The following IKZF2 variants were observed in gnomAD, a reference collection of about 807,000 sequenced individuals.
IKZF2 encodes the protein IKAROS family zinc finger 2.
Under a neutral mutation model 49.2 loss-of-function variants are expected in IKZF2, and 15 were observed. That is an observed-to-expected ratio of 0.30 (90% CI 0.20 to 0.47). The LOEUF (loss-of-function observed/expected upper bound fraction) is 0.47, where lower values mean the gene tolerates loss of function less well. Among genes scored for constraint, IKZF2 ranks in the 20% least tolerant of loss-of-function variants. IKZF2 has a pLI of 1.00. For synonymous variants in IKZF2, 227 were observed against 221.4 expected, an observed-to-expected ratio of 1.03 and a Z score of -0.23; for missense variants, 567 against 664.6, an observed-to-expected ratio of 0.85 and a Z score of 1.61.
Position 213,056,969 on chromosome 2 carries a change from C to T in IKZF2, c.270G>A (p.Val90=), listed in dbSNP as rs1480206985. Residue 90 remains valine, a synonymous_variant, in exon 5 of 9, where the codon GTG becomes GTA. Transcript: ENST00000434687. ...LEEPLIESSE[V]ADNRKVQELQ... Reference sequence around the variant, plus strand: ...GCTCCTGGACTTTCCTGTTGTCAGCCACCTCGCTGCTCTCAATTAGGGGTT... The same window carrying T: ...GCTCCTGGACTTTCCTGTTGTCAGCTACCTCGCTGCTCTCAATTAGGGGTT... 5 of 1,613,870 alleles carry T rather than the reference C, an allele frequency of 3.1e-6. No homozygotes were observed. The highest frequency in any genetic ancestry group is 4.2e-6 in the Non-Finnish European group (5 of 1,179,886).
At chr2:213,106,321 A>C (rs1177458007) in intron 4 of IKZF2, among the ~76,000 whole-genome samples, 1 of 152,098 alleles carries the variant, frequency 6.6e-6, no homozygotes, top group Non-Finnish European at 1.5e-5. Flanking sequence ...TTTTAAAGGA[A>C]GAGTTGGTCT....
chr2:213,133,634 G>C (rs1273649196), intron 4 of IKZF2, among the ~76,000 whole-genome samples: 1 of 151,722 alleles, frequency 6.6e-6, no homozygotes, highest in Admixed American at 6.6e-5. Context: ...GGGAGGCGAA[G>C]GTTGCAGTGG....
intron 4 of IKZF2, among the ~76,000 whole-genome samples, chr2:213,128,658 C>G (rs567390071): frequency 1.6e-4 from 25 of 152,118 alleles, no homozygotes; most frequent in African/African-American, 5.5e-4. Context: ...CAGAGTCTCA[C>G]TTTCTGTCGC....
At position 213,133,700 on chromosome 2, in the gene IKZF2, G is replaced by GAAAA. The variant is rs1339326768; in HGVS notation, c.139+14004_139+14007dup. 5.6e-5 allele frequency among the ~76,000 whole-genome samples: 4 copies of GAAAA among 71,082 alleles called. No homozygotes were observed. The East Asian group carries it at 1.6e-3, about 29-fold the overall frequency. The allele number at this position is 71,082 out of a possible 152,430, so 46.6% of individuals were successfully genotyped here. A position where few individuals can be genotyped will look rare whatever the true frequency, so the allele number is the denominator to read the frequency against. ...GGGCGACAAAGATAGACTCCGTCTC[G>GAAAA]AAAAAATAAATAAATAAATAAATAA... On this transcript the variant is annotated intron_variant, in intron 4 of 8. Transcript: ENST00000434687.
At chr2:213,119,803 C>T (rs2059992011) in intron 4 of IKZF2, among the ~76,000 whole-genome samples, 1 of 152,118 alleles carries the variant, frequency 6.6e-6, no homozygotes, top group Admixed American at 6.6e-5. Context: ...CATGTGATAT[C>T]AGATTAAAAT....
chr2:213,041,435 T>C (rs1196371402), intron 6 of IKZF2, among the ~76,000 whole-genome samples: 2 of 151,988 alleles, frequency 1.3e-5, no homozygotes, highest in African/African-American at 4.8e-5. Flanking sequence ...CCCGAGTAGC[T>C]GGGACTACAG....
Position 213,007,585 on chromosome 2 carries a change from G to T in IKZF2, c.1356C>A (p.Gly452=). The T allele has an allele frequency of 1.2e-6, 2 of 1,613,678 alleles. No homozygotes were observed. The highest frequency in any genetic ancestry group is 1.7e-6 in the Non-Finnish European group (2 of 1,179,720). Residue 452 remains glycine, a synonymous_variant, in exon 9 of 9, where the codon GGC becomes GGA. Coordinates refer to ENST00000434687, the MANE Select transcript of IKZF2 (RefSeq NM_001387220.1). ...KALDTTKAPK[G]SLKDIYKVFN... is the part of the protein sequence containing the mutation. ...AGACCTTGTAGATGTCCTTCAGAGA[G>T]CCCTTAGGAGCCTTGGTAGTATCCA...
intron 5 of IKZF2, chr2:213,056,519 T>C: frequency 4.5e-6 from 2 of 444,488 alleles, no homozygotes; most frequent in Non-Finnish European, 8.3e-6. Flanking sequence ...GTAAAATATG[T>C]ATAGAAATAC....
rs923714463 is a variant in IKZF2, at chr2:213,006,303, T to C, written c.*1057A>G. 1 of 152,362 alleles carries C rather than the reference T, an allele frequency of 6.6e-6. No homozygotes were observed. Among genetic ancestry groups the C allele is most frequent in the Admixed American group, 6.6e-5 (1 of 15,220 alleles). 9.4% of individuals were successfully genotyped at this position (152,362 alleles called of 1,614,324 possible). ...CGGGAGGTCACATCTTGAAAAAAAC[T>C]AGTGAAAAGAGAAATACCAGAAAAG... On this transcript the variant is annotated 3_prime_UTR_variant, in exon 9 of 9. Transcript: ENST00000434687.
chr2:213,106,523 T>G (rs2059533995), intron 4 of IKZF2, among the ~76,000 whole-genome samples: 1 of 151,674 alleles, frequency 6.6e-6, no homozygotes, highest in African/African-American at 2.4e-5. Flanking sequence ...TAGCCCCAGC[T>G]AGTCCAGAGG....
At chr2:213,151,021 A>G (rs3768788) in intron 1 of IKZF2, among the ~76,000 whole-genome samples, 48,770 of 151,576 alleles carry the variant, frequency 0.32, 8,916 homozygotes, top group East Asian at 0.46. Context: ...ACAAAGCAAA[A>G]CAAGTCCAAA....
intron 4 of IKZF2, among the ~76,000 whole-genome samples, chr2:213,063,868 T>TA (rs1161087592): frequency 6.6e-6 from 1 of 152,032 alleles, no homozygotes; most frequent in East Asian, 1.9e-4. Flanking sequence ...AAACAGTTCT[T>TA]ACGGTAGCTG....
At chr2:213,067,604 C>T (rs2049806618) in intron 4 of IKZF2, among the ~76,000 whole-genome samples, 1 of 152,088 alleles carries the variant, frequency 6.6e-6, no homozygotes, top group Non-Finnish European at 1.5e-5. Flanking sequence ...ATGCTGTTAA[C>T]TTATTAATAG....
intron 7 of IKZF2, among the ~76,000 whole-genome samples, chr2:213,020,210 A>G (rs1697055381): frequency 6.6e-6 from 1 of 152,136 alleles, no homozygotes; most frequent in Non-Finnish European, 1.5e-5. Context: ...CCTTAAATCC[A>G]TCAATTTAAA....
intron 8 of IKZF2, among the ~76,000 whole-genome samples, chr2:213,010,040 G>T (rs1695780227): frequency 6.6e-6 from 1 of 152,112 alleles, no homozygotes; most frequent in African/African-American, 2.4e-5. Context: ...GATAAACAAG[G>T]AAGTGCCCTG....
chr2:213,101,115 A>G (rs1263309739), intron 4 of IKZF2, among the ~76,000 whole-genome samples: 2 of 152,074 alleles, frequency 1.3e-5, no homozygotes, highest in Admixed American at 1.3e-4. Context: ...GAGGAAAAAT[A>G]TTACAATGAA....
intron 6 of IKZF2, among the ~76,000 whole-genome samples, chr2:213,048,292 A>G (rs1428771906): frequency 1.3e-5 from 2 of 152,144 alleles, no homozygotes; most frequent in Non-Finnish European, 2.9e-5. Context: ...AGATAACATA[A>G]TATGTACACA....
chr2:213,037,499 C>G (rs184090410), intron 6 of IKZF2, among the ~76,000 whole-genome samples: 1 of 152,088 alleles, frequency 6.6e-6, no homozygotes, highest in East Asian at 1.9e-4. Context: ...AGGCGTTCTA[C>G]CTGGTGGAAA....
At chr2:213,113,755 G>T (rs987512830) in intron 4 of IKZF2, among the ~76,000 whole-genome samples, 4 of 152,124 alleles carry the variant, frequency 2.6e-5, no homozygotes, top group Admixed American at 6.5e-5. Context: ...TTTTAGGGAA[G>T]GAGTGGAGAG....
Sources: gnomAD v4.1 joint callset for allele counts (sites outside exome capture counted in the v4.1 genomes callset) on GRCh38, gnomAD v4.1.1 for gene constraint, MANE v1.5 for transcripts, NCBI Gene and HGNC (gene_info 2026-07-23, HGNC 2026-07-21) for gene names.